Variants in TAFA2 observed in about 807,000 individuals in gnomAD.
TAFA2 encodes the protein chemokine-like protein TAFA-2.
In TAFA2, 7 loss-of-function variants were observed where a neutral mutation model predicts 18.8. That is an observed-to-expected ratio of 0.37 (90% CI 0.21 to 0.70). TAFA2 has a LOEUF of 0.70. TAFA2 is among the 30% of genes least tolerant of loss of function. TAFA2 has a pLI of 0.53. For missense variants in TAFA2, 122 were observed against 158.1 expected, an observed-to-expected ratio of 0.77 and a Z score of 1.23; for synonymous variants, 60 against 54.2, an observed-to-expected ratio of 1.11 and a Z score of -0.47.
chr12:61,950,734 C>T (rs1351263388), intron 1 of TAFA2, among the ~76,000 whole-genome samples: 2 of 152,128 alleles, frequency 1.3e-5, no homozygotes, highest in Admixed American at 1.3e-4. Flanking sequence ...ATGTCTTTCT[C>T]ATACTAGTTT....
chr12:61,747,566 G>T (rs1868783125), intron 4 of TAFA2, among the ~76,000 whole-genome samples: 1 of 150,604 alleles, frequency 6.6e-6, no homozygotes, highest in Non-Finnish European at 1.5e-5. Context: ...TCCTTTGTAG[G>T]GACATGGATG....
rs571937280 is a variant in TAFA2, at chr12:61,943,645, A to G, written c.-1-76219T>C. On this transcript the variant is annotated intron_variant, in intron 1 of 4. Transcript: ENST00000416284. Reference sequence around the variant, plus strand: ...CAATGGAAAACAAAAAAAGGCAGGGATTGCAATCCGAGTCTCTGATAAAAC... The same window carrying G: ...CAATGGAAAACAAAAAAAGGCAGGGGTTGCAATCCGAGTCTCTGATAAAAC... Among the ~76,000 whole-genome samples, 1,122 of 152,168 alleles carry G rather than the reference A, an allele frequency of 7.4e-3. 19 individuals carry two copies. Among genetic ancestry groups the G allele is most frequent in the African/African-American group, 0.025 (1,046 of 41,464 alleles).
intron 1 of TAFA2, chr12:62,234,883 C>T: frequency 9.8e-7 from 1 of 1,015,510 alleles, no homozygotes; most frequent in Non-Finnish European, 1.5e-6. Flanking sequence ...TCGGGGCATC[C>T]CACGATCATG....
intron 2 of TAFA2, among the ~76,000 whole-genome samples, chr12:61,832,835 G>T (rs1462963470): frequency 1.3e-5 from 2 of 151,582 alleles, no homozygotes; most frequent in Non-Finnish European, 2.9e-5. Context: ...CTTAAAAGAA[G>T]GTGTTTGTAG....
At chr12:62,024,257 C>T (rs1421879097) in intron 1 of TAFA2, among the ~76,000 whole-genome samples, 3 of 152,188 alleles carry the variant, frequency 2.0e-5, no homozygotes, top group African/African-American at 7.2e-5. Context: ...GCCCCAAAAT[C>T]CACCGTATAA....
chr12:61,890,888 G>T (rs1472133444), intron 1 of TAFA2, among the ~76,000 whole-genome samples: 1 of 152,060 alleles, frequency 6.6e-6, no homozygotes, highest in Admixed American at 6.5e-5. Flanking sequence ...GTGCCAGTGG[G>T]AGAAAAAAGG....
At chr12:61,873,093 T>C (rs1874689342) in intron 1 of TAFA2, among the ~76,000 whole-genome samples, 1 of 152,136 alleles carries the variant, frequency 6.6e-6, no homozygotes, top group Non-Finnish European at 1.5e-5. Flanking sequence ...AAGAAATAGG[T>C]GTATTATATA....
intron 1 of TAFA2, among the ~76,000 whole-genome samples, chr12:61,896,766 A>G (rs1875862900): frequency 6.6e-6 from 1 of 152,186 alleles, no homozygotes; most frequent in Non-Finnish European, 1.5e-5. Flanking sequence ...CACATTGTCA[A>G]CCAAATGCTA....
intron 1 of TAFA2, among the ~76,000 whole-genome samples, chr12:62,066,704 T>C (rs1882497755): frequency 6.6e-6 from 1 of 152,074 alleles, no homozygotes; most frequent in Non-Finnish European, 1.5e-5. Flanking sequence ...ATTTTCTTTA[T>C]CCATTCATCT....
chr12:62,091,322 G>A (rs759654494), intron 1 of TAFA2, among the ~76,000 whole-genome samples: 2 of 151,918 alleles, frequency 1.3e-5, no homozygotes, highest in East Asian at 3.9e-4. Flanking sequence ...TCATTGCAGA[G>A]CTTGGCACAT....
At chr12:62,091,761 G>C (rs1456605809) in intron 1 of TAFA2, among the ~76,000 whole-genome samples, 1 of 151,882 alleles carries the variant, frequency 6.6e-6, no homozygotes, top group East Asian at 1.9e-4. Context: ...TCAAACTCAA[G>C]GTAAAGTGCA....
At chr12:62,077,935 T>G (rs1320915136) in intron 1 of TAFA2, among the ~76,000 whole-genome samples, 2 of 152,204 alleles carry the variant, frequency 1.3e-5, no homozygotes, top group Admixed American at 6.5e-5. Flanking sequence ...TATAGGGATC[T>G]CAAAATCAAC....
At chr12:62,074,588 C>T (rs139601093) in intron 1 of TAFA2, among the ~76,000 whole-genome samples, 61 of 152,208 alleles carry the variant, frequency 4.0e-4, no homozygotes, top group African/African-American at 1.3e-3. Context: ...CCTCTTGCTT[C>T]TGAAGCCATG....
chr12:61,993,905 CCT>C (rs1020842095), intron 1 of TAFA2, among the ~76,000 whole-genome samples: 9 of 151,934 alleles, frequency 5.9e-5, no homozygotes, highest in Non-Finnish European at 1.3e-4. Flanking sequence ...CATAGTGCTC[CCT>C]CTCTCATAAC....
At chr12:62,208,422 A>C (rs961330103) in intron 1 of TAFA2, among the ~76,000 whole-genome samples, 2 of 152,268 alleles carry the variant, frequency 1.3e-5, no homozygotes, top group East Asian at 3.9e-4. Flanking sequence ...TCTTTTAGAC[A>C]TTTTAGTTCT....
chr12:61,990,442 C>A (rs1405902119), intron 1 of TAFA2, among the ~76,000 whole-genome samples: 1 of 147,544 alleles, frequency 6.8e-6, no homozygotes, highest in Non-Finnish European at 1.5e-5. Context: ...CGGGTTCACA[C>A]CATTCTCCTG....
rs533449898 is a variant in TAFA2, at chr12:61,853,906, T to C, written c.106+13414A>G. On this transcript the variant is annotated intron_variant, in intron 2 of 4. Coordinates refer to ENST00000416284, the MANE Select transcript of TAFA2 (RefSeq NM_178539.5). ...TAACACACTCCCACCCTAACTGCTT[T>C]CACCCCTCAGCTCTCCAACAACTTA... Among the ~76,000 whole-genome samples the C allele has an allele frequency of 5.8e-4, 88 of 152,326 alleles. 1 individual carries two copies. The highest frequency in any genetic ancestry group is 1.0e-3 in the Admixed American group (16 of 15,298).
At chr12:62,181,100 G>A (rs1234692048) in intron 1 of TAFA2, among the ~76,000 whole-genome samples, 2 of 152,184 alleles carry the variant, frequency 1.3e-5, no homozygotes, top group Non-Finnish European at 2.9e-5. Flanking sequence ...CTTTTGCCTA[G>A]AATGTATTTG....
intron 1 of TAFA2, among the ~76,000 whole-genome samples, chr12:62,200,069 T>C (rs559733913): frequency 1.3e-5 from 2 of 152,358 alleles, no homozygotes; most frequent in South Asian, 4.1e-4. Flanking sequence ...GAAGTGTCTC[T>C]GTTCAAGTCC....
Sources: allele counts gnomAD v4.1 joint callset (sites outside exome capture counted in the v4.1 genomes callset), GRCh38; gene constraint gnomAD v4.1.1; transcripts MANE v1.5; gene names NCBI Gene and HGNC (gene_info 2026-07-23, HGNC 2026-07-21).